Variants in REPS1 observed in about 807,000 individuals in gnomAD.
REPS1 encodes the protein RALBP1 associated Eps domain containing 1.
A neutral mutation model predicts 100.9 loss-of-function variants in REPS1; 39 were observed. That is an observed-to-expected ratio of 0.39 (90% CI 0.30 to 0.50). REPS1 has a LOEUF of 0.50. Among genes scored for constraint, REPS1 ranks in the 20% least tolerant of loss-of-function variants. The pLI is 0.86. For synonymous variants in REPS1, 324 were observed against 340.3 expected (o/e 0.95, Z 0.53); for missense variants, 821 against 968.5 (o/e 0.85, Z 2.02).
chr6:138,967,767 C>T (rs1431310451), intron 1 of REPS1, among the ~76,000 whole-genome samples: 3 of 152,146 alleles, frequency 2.0e-5, no homozygotes, highest in Non-Finnish European at 2.9e-5. Context: ...AAGCTGCTTC[C>T]TACAAGAATA....
At chr6:138,986,089 T>TTAGCAGACCA (rs1445054752) in intron 1 of REPS1, among the ~76,000 whole-genome samples, 2 of 152,232 alleles carry the variant, frequency 1.3e-5, no homozygotes, top group African/African-American at 4.8e-5. Context: ...GCACCCTTCG[T>TTAGCAGACCA]TAGCAGACCA....
At chr6:138,980,939 A>T (rs1397452761) in intron 1 of REPS1, among the ~76,000 whole-genome samples, 1 of 152,242 alleles carries the variant, frequency 6.6e-6, no homozygotes, top group Non-Finnish European at 1.5e-5. Context: ...TACAAAGAAC[A>T]GCCACAAAGA....
chr6:138,943,425 T>C (rs775611767), intron 7 of REPS1, 88 bp downstream of exon 7: 6 of 742,158 alleles, frequency 8.1e-6, no homozygotes, highest in Admixed American at 4.6e-5. Flanking sequence ...AAGGGGTTAG[T>C]TGTTTATTTT....
intron 1 of REPS1, among the ~76,000 whole-genome samples, chr6:138,982,414 C>T (rs761075038): frequency 9.9e-5 from 15 of 152,184 alleles, no homozygotes; most frequent in Admixed American, 7.9e-4. Flanking sequence ...ACAGTTAGTA[C>T]TAGAACCCTT....
intron 8 of REPS1, among the ~76,000 whole-genome samples, chr6:138,935,916 G>A (rs1295160764): frequency 6.7e-6 from 1 of 149,018 alleles, no homozygotes; most frequent in African/African-American, 2.5e-5. Flanking sequence ...CTTTTTTTGG[G>A]GGTATAATTT....
At chr6:138,953,681 CAAAA>C (rs34741005) in intron 1 of REPS1, among the ~76,000 whole-genome samples, 2 of 126,928 alleles carry the variant, frequency 1.6e-5, no homozygotes, top group Admixed American at 8.3e-5. Flanking sequence ...TGGCTATTAT[CAAAA>C]AAAAAAAAAA....
chr6:138,956,798 A>T (rs1783419501), intron 1 of REPS1, among the ~76,000 whole-genome samples: 1 of 149,384 alleles, frequency 6.7e-6, no homozygotes, highest in Non-Finnish European at 1.5e-5. Context: ...GAGGACTGCC[A>T]AATTTACAAA....
intron 14 of REPS1, 154 bp from the exon 15 acceptor site, chr6:138,914,915 T>C (rs1011204521): frequency 9.2e-6 from 6 of 654,522 alleles, no homozygotes; most frequent in Non-Finnish European, 1.6e-5. Context: ...ATGGTCTGTA[T>C]GTAACCTAAA....
intron 1 of REPS1, among the ~76,000 whole-genome samples, chr6:138,982,233 T>C (rs1784995012): frequency 6.6e-6 from 1 of 152,242 alleles, no homozygotes; most frequent in Admixed American, 6.5e-5. Context: ...TTGTAATTGA[T>C]TTAAACAAGT....
intron 8 of REPS1, chr6:138,934,226 T>A: frequency 2.3e-6 from 1 of 437,734 alleles, no homozygotes; most frequent in Non-Finnish European, 4.8e-6. Context: ...TACTCTTACC[T>A]GATGCAGTGT....
In REPS1 at chr6:138,983,653, C is replaced by T. The variant is rs111531509; in HGVS notation, c.153+3877G>A. Among the ~76,000 whole-genome samples, 314 of 152,242 alleles carry T rather than the reference C, an allele frequency of 2.1e-3. 1 individual carries two copies. The highest frequency in any genetic ancestry group is 7.0e-3 in the African/African-American group (289 of 41,552). ...TCTCTACACTCATGCCCCCAGATGA[C>T]TCAGTCTCCTCCTAACTTTTACTAA... is the stretch of plus-strand genomic sequence containing the variant. On this transcript the variant is annotated intron_variant, in intron 1 of 19. Coordinates refer to ENST00000450536, the MANE Select transcript of REPS1 (RefSeq NM_001286611.2).
chr6:138,979,198 C>CAAAAAAAAAAAAAAAAAAA (rs1277794755), intron 1 of REPS1, among the ~76,000 whole-genome samples: 1 of 91,798 alleles, frequency 1.1e-5, no homozygotes, highest in Non-Finnish European at 2.0e-5. Flanking sequence ...AAAAAAAAAA[C>CAAAAAAAAAAAAAAAAAAA]AAAAAAAAAA....
chr6:138,948,166 TTTG>T (rs1202176223), intron 1 of REPS1, among the ~76,000 whole-genome samples: 1 of 152,186 alleles, frequency 6.6e-6, no homozygotes, highest in Non-Finnish European at 1.5e-5. Flanking sequence ...AGAATAAATT[TTTG>T]TTATGAGTCA....
At chr6:138,976,259 T>C (rs1434266804) in intron 1 of REPS1, among the ~76,000 whole-genome samples, 2 of 152,228 alleles carry the variant, frequency 1.3e-5, no homozygotes, top group Non-Finnish European at 2.9e-5. Flanking sequence ...ACGTACAACA[T>C]TTTGCATAAC....
chr6:138,918,714 G>A (rs1181330855), intron 12 of REPS1, among the ~76,000 whole-genome samples: 1 of 152,134 alleles, frequency 6.6e-6, no homozygotes, highest in Non-Finnish European at 1.5e-5. Context: ...GGAATAAAAT[G>A]TGCTTATACA....
chr6:138,931,335 G>C (rs1003141672), intron 8 of REPS1, among the ~76,000 whole-genome samples: 1 of 152,118 alleles, frequency 6.6e-6, no homozygotes, highest in African/African-American at 2.4e-5. Flanking sequence ...GGTATTTACT[G>C]AATCAGTTGC....
At chr6:138,966,307 G>C (rs1457624301) in intron 1 of REPS1, among the ~76,000 whole-genome samples, 1 of 152,124 alleles carries the variant, frequency 6.6e-6, no homozygotes, top group East Asian at 1.9e-4. Context: ...AAATGGGACA[G>C]GGAAATTTCT....
At chr6:138,910,130 G>A (rs1304575447) in intron 17 of REPS1, among the ~76,000 whole-genome samples, 1 of 152,148 alleles carries the variant, frequency 6.6e-6, no homozygotes, top group Non-Finnish European at 1.5e-5. Context: ...CCTTGTGAAT[G>A]GCTTGGTGCC....
intron 12 of REPS1, among the ~76,000 whole-genome samples, chr6:138,919,263 G>A (rs969660097): frequency 5.3e-5 from 8 of 152,178 alleles, no homozygotes; most frequent in African/African-American, 1.9e-4. Context: ...CCAGAGTCCA[G>A]CCACTTCTCA....
Sources: allele counts gnomAD v4.1 joint callset (sites outside exome capture counted in the v4.1 genomes callset), GRCh38; gene constraint gnomAD v4.1.1; transcripts MANE v1.5; gene names NCBI Gene and HGNC (gene_info 2026-07-23, HGNC 2026-07-21).